The following RIMBP2 variants were observed in gnomAD, a reference collection of about 807,000 sequenced individuals.
The protein encoded by RIMBP2 is RIMS-binding protein 2.
A neutral mutation model predicts 118.6 loss-of-function variants in RIMBP2; 48 were observed. The ratio of observed to expected loss-of-function variants is 0.40; its 90% confidence interval spans 0.32 to 0.51. RIMBP2 has a LOEUF of 0.51. RIMBP2 is among the 20% of genes least tolerant of loss of function. The probability of loss-of-function intolerance (pLI) is 0.41; values close to 1 mark genes in which losing one functional copy is unlikely to be tolerated. For missense variants in RIMBP2, 1,551 were observed against 1,768.3 expected (o/e 0.88, Z 2.20); for synonymous variants, 762 against 742.9 (o/e 1.03, Z -0.42).
chr12:130,699,308 G>C (rs1298396193), intron 1 of RIMBP2, among the ~76,000 whole-genome samples: 1 of 152,074 alleles, frequency 6.6e-6, no homozygotes. Flanking sequence ...ATTCACAATA[G>C]CAAAGACTTG....
chr12:130,592,095 G>C (rs1002727470), intron 2 of RIMBP2, among the ~76,000 whole-genome samples: 1 of 152,186 alleles, frequency 6.6e-6, no homozygotes, highest in East Asian at 1.9e-4. Context: ...CCTCCCGAGA[G>C]GTAAGAAACG....
At chr12:130,484,265 T>C (rs2138257275) in intron 4 of RIMBP2, among the ~76,000 whole-genome samples, 1 of 152,308 alleles carries the variant, frequency 6.6e-6, no homozygotes, top group South Asian at 2.1e-4. Flanking sequence ...CACCACCATC[T>C]GCCTGCCTCT....
At chr12:130,409,732 T>C (rs866897787) in intron 19 of RIMBP2, among the ~76,000 whole-genome samples, 3 of 152,190 alleles carry the variant, frequency 2.0e-5, no homozygotes, top group African/African-American at 7.2e-5. Flanking sequence ...AGTGGCTCTG[T>C]TCCATTGCTG....
chr12:130,559,491 GCTTTC>G (rs1322402795), intron 2 of RIMBP2, among the ~76,000 whole-genome samples: 3 of 152,120 alleles, frequency 2.0e-5, no homozygotes, highest in African/African-American at 7.2e-5. Context: ...CAGATGACAG[GCTTTC>G]CTTCTTTTCA....
intron 6 of RIMBP2, among the ~76,000 whole-genome samples, chr12:130,461,546 G>T (rs1438714207): frequency 6.6e-6 from 1 of 152,174 alleles, no homozygotes; most frequent in Non-Finnish European, 1.5e-5. Context: ...CCCAGGAGCA[G>T]CAGGGCGTCG....
At chr12:130,524,278 C>T (rs2052512546) in intron 2 of RIMBP2, among the ~76,000 whole-genome samples, 1 of 152,174 alleles carries the variant, frequency 6.6e-6, no homozygotes, top group Non-Finnish European at 1.5e-5. Context: ...TTCTTCTCTG[C>T]TCTTCTTTGT....
chr12:130,461,150 T>A (rs4759687), intron 6 of RIMBP2, among the ~76,000 whole-genome samples: 122,917 of 152,098 alleles, frequency 0.81, 49,816 homozygotes, highest in Admixed American at 0.88. Flanking sequence ...GAGGATGCCC[T>A]AGCCACACTG....
intron 6 of RIMBP2, 38 bp from the exon 7 acceptor site, chr12:130,456,738 A>G: frequency 6.6e-7 from 1 of 1,524,260 alleles, no homozygotes; most frequent in Non-Finnish European, 9.0e-7. Flanking sequence ...CAGCGGTGGC[A>G]TTTGGTGGTG....
chr12:130,632,152 T>C (rs1594107151), intron 1 of RIMBP2, among the ~76,000 whole-genome samples: 1 of 152,342 alleles, frequency 6.6e-6, no homozygotes, highest in Middle Eastern at 3.4e-3. Context: ...TCTAACCAGA[T>C]CAGATGGGCT....
Position 130,621,875 on chromosome 12 carries a change from G to A in RIMBP2, c.-217+6447C>T, listed in dbSNP as rs766690117. On this transcript the variant is annotated intron_variant, in intron 2 of 22. Coordinates refer to ENST00000690449, the MANE Select transcript of RIMBP2 (RefSeq NM_001393629.1). The surrounding 1 kb of genome is among the most constrained non-coding windows in gnomAD (Gnocchi z 6.6). ...CCCAGCCTGGTACTGAGGCCAGCAG[G>A]CCAGCATCACACACACTTCCCGACA... 6.6e-6 allele frequency among the ~76,000 whole-genome samples: 1 copy of A among 152,150 alleles called. No homozygotes were observed. Among genetic ancestry groups the A allele is most frequent in the Non-Finnish European group, 1.5e-5 (1 of 68,036 alleles).
rs934444244 is a variant in RIMBP2, at chr12:130,621,517, A to G, written c.-217+6805T>C. On this transcript the variant is annotated intron_variant, in intron 2 of 22. Coordinates refer to ENST00000690449, the MANE Select transcript of RIMBP2 (RefSeq NM_001393629.1). The surrounding 1 kb of genome is among the most constrained non-coding windows in gnomAD (Gnocchi z 6.6). Reference sequence around the variant, plus strand: ...CTGTCAAGAGCTCCCGTTTTTGCTGAGGCTAGTTTGAGCTGGTTCTCTGTC... The same window carrying G: ...CTGTCAAGAGCTCCCGTTTTTGCTGGGGCTAGTTTGAGCTGGTTCTCTGTC... Among the ~76,000 whole-genome samples the G allele has an allele frequency of 4.6e-5, 7 of 152,168 alleles. No individual in the cohort carries two copies. The highest frequency in any genetic ancestry group is 1.7e-4 in the African/African-American group (7 of 41,438).
In RIMBP2 at chr12:130,578,534, T is replaced by C. The variant is rs1488886862; in HGVS notation, c.-217+49788A>G. ...TCCTGGCCCCAGTCGTACATGCCTGTGTTCTGTTTCTCGATCATAGCAAAC... is the reference window on the plus strand; with the variant it reads ...TCCTGGCCCCAGTCGTACATGCCTGCGTTCTGTTTCTCGATCATAGCAAAC... On this transcript the variant is annotated intron_variant, in intron 2 of 22. Transcript: ENST00000690449. The surrounding 1 kb of genome is among the most constrained non-coding windows in gnomAD (Gnocchi z 4.1). 2.0e-5 allele frequency among the ~76,000 whole-genome samples: 3 copies of C among 152,228 alleles called. No individual in the cohort carries two copies. The highest frequency in any genetic ancestry group is 7.2e-5 in the African/African-American group (3 of 41,464).
intron 2 of RIMBP2, among the ~76,000 whole-genome samples, chr12:130,582,987 A>AG (rs2058577416): frequency 6.6e-6 from 1 of 152,232 alleles, no homozygotes; most frequent in South Asian, 2.1e-4. Flanking sequence ...TCTATACTTA[A>AG]GAATGTTCAA....
chr12:130,674,735 C>A (rs1400192514), intron 1 of RIMBP2, among the ~76,000 whole-genome samples: 1 of 152,122 alleles, frequency 6.6e-6, no homozygotes, highest in African/African-American at 2.4e-5. Flanking sequence ...CACCCCAAGC[C>A]GAAACCCCAT....
intron 2 of RIMBP2, among the ~76,000 whole-genome samples, chr12:130,575,804 TCTC>T (rs1264564773): frequency 2.0e-5 from 3 of 152,194 alleles, no homozygotes; most frequent in African/African-American, 2.4e-5. Context: ...CACAGGAAGA[TCTC>T]CTCCTAAGTC....
At position 130,442,476 on chromosome 12, in the gene RIMBP2, C is replaced by T. The variant is rs1235736936; in HGVS notation, c.876G>A (p.Ala292=). The T allele has an allele frequency of 1.1e-5, 17 of 1,614,056 alleles. No homozygotes were observed. In the East Asian group the frequency reaches 1.6e-4, roughly 15 times the overall value. The change falls in exon 11 of 23, where the codon GCG becomes GCA. Residue 292 remains alanine, a synonymous_variant. Coordinates refer to ENST00000690449, the MANE Select transcript of RIMBP2 (RefSeq NM_001393629.1). The surrounding 1 kb of genome is among the most constrained non-coding windows in gnomAD (Gnocchi z 6.9). The part of the protein sequence containing the change: ...LDLHSPTHID[A]GITDNSAGTL... ...TCCCGGCACTGTTGTCGGTGATGCC[C>T]GCATCTATGTGGGTTGGGGAGTGGA...
At chr12:130,527,991 T>C (rs2052987017) in intron 2 of RIMBP2, among the ~76,000 whole-genome samples, 1 of 152,200 alleles carries the variant, frequency 6.6e-6, no homozygotes, top group South Asian at 2.1e-4. Context: ...TTTTACACTG[T>C]TGATGGGGAT....
intron 13 of RIMBP2, among the ~76,000 whole-genome samples, chr12:130,435,297 G>A (rs992896993): frequency 3.3e-5 from 5 of 152,066 alleles, no homozygotes; most frequent in Admixed American, 2.6e-4. Flanking sequence ...GCCCACCTCG[G>A]CCTCCCAAAC....
chr12:130,659,488 G>A (rs527750269), intron 1 of RIMBP2, among the ~76,000 whole-genome samples: 5 of 151,278 alleles, frequency 3.3e-5, no homozygotes, highest in African/African-American at 7.3e-5. Context: ...AGAATGGCGT[G>A]AACCCGGGAG....
Sources: allele counts gnomAD v4.1 joint callset (sites outside exome capture counted in the v4.1 genomes callset), GRCh38; gene constraint gnomAD v4.1.1; non-coding constraint Gnocchi (gnomAD v3.1); transcripts MANE v1.5; gene names NCBI Gene and HGNC (gene_info 2026-07-23, HGNC 2026-07-21).